Variants in ZNF287 observed in about 807,000 individuals in gnomAD.
ZNF287 encodes the protein zinc finger protein 287.
ZNF287 carries 31 observed loss-of-function variants against 73.7 expected under a neutral mutation model. The ratio of observed to expected loss-of-function variants is 0.42; its 90% CI spans 0.32 to 0.57. The LOEUF (loss-of-function observed/expected upper bound fraction) is 0.57. Among genes scored for constraint, ZNF287 ranks in the 20% least tolerant of loss-of-function variants. ZNF287 has a pLI of 0.13. For missense variants in ZNF287, 641 were observed against 909.3 expected (o/e 0.70, Z 3.79); for synonymous variants, 301 against 307.2 (o/e 0.98, Z 0.21).
At chr17:16,568,772 G>C (rs1907900954) in intron 1 of ZNF287, 180 bp downstream of exon 1, 1 of 152,310 alleles carries the variant, frequency 6.6e-6, no homozygotes, top group South Asian at 2.1e-4. Context: ...GCAGGGTCGA[G>C]GTCGAGGGCA....
In ZNF287 at chr17:16,549,085, T is replaced by G. The variant is rs1311840949; in HGVS notation, c.*2771A>C. 6.6e-6 allele frequency among the ~76,000 whole-genome samples: 1 copy of G among 152,210 alleles called. No homozygotes were observed. The highest frequency in any genetic ancestry group is 1.5e-5 in the Non-Finnish European group (1 of 68,032). On this transcript the variant is annotated 3_prime_UTR_variant, in exon 6 of 6. Transcript: ENST00000395825. ...TTTGGTTAAAAAAAATACGGCAGAA[T>G]GTTAGTTTTTAAATTTAGGTGGGTA...
At position 16,567,436 on chromosome 17, in the gene ZNF287, G is replaced by C; in HGVS notation, c.296C>G (p.Thr99Ser). 1.9e-6 allele frequency: 3 copies of C among 1,614,184 alleles called. No homozygotes were observed. The highest frequency in any genetic ancestry group is 2.5e-6 in the Non-Finnish European group (3 of 1,180,038). Residue 99 changes from threonine (T) to serine (S), a missense_variant, in exon 2 of 6, where the codon ACC becomes AGC. Around this residue, in one of 2 missense-constraint regions of ZNF287, gnomAD observed 357 missense variants for 442.4 expected, o/e 0.81. Coordinates refer to ENST00000395825, the MANE Select transcript of ZNF287 (RefSeq NM_020653.4). ...LELLVLEQFL[T>S]ILPGEVRTWV... Reference sequence around the variant, plus strand: ...AGTCCTAACCTCACCAGGCAGGATGGTCAGGAATTGCTCCAGCACCAGCAG... The same window carrying C: ...AGTCCTAACCTCACCAGGCAGGATGCTCAGGAATTGCTCCAGCACCAGCAG...
At chr17:16,564,265 A>G (rs1597473312) in intron 3 of ZNF287, among the ~76,000 whole-genome samples, 1 of 152,178 alleles carries the variant, frequency 6.6e-6, no homozygotes, top group Admixed American at 6.5e-5. Context: ...CGATGGTACA[A>G]TCATTGTTCA....
rs2142444626 is a variant in ZNF287 at position 16,548,994 on chromosome 17, T to G, written c.*2862A>C. Among the ~76,000 whole-genome samples, 1 of 152,296 alleles carries G rather than the reference T, an allele frequency of 6.6e-6. No individual in the cohort carries two copies. The highest frequency in any genetic ancestry group is 2.1e-4 in the South Asian group (1 of 4,822). Reference sequence around the variant, plus strand: ...GTGGTTATGTAAAAGACCATCCTTATTTTTGTAAGATGCATGCTGAAGTAT... The same window carrying G: ...GTGGTTATGTAAAAGACCATCCTTAGTTTTGTAAGATGCATGCTGAAGTAT... On this transcript the variant is annotated 3_prime_UTR_variant, in exon 6 of 6. Transcript: ENST00000395825.
chr17:16,555,130 CATT>C (rs1906957389), intron 5 of ZNF287, among the ~76,000 whole-genome samples: 2 of 152,056 alleles, frequency 1.3e-5, no homozygotes, highest in East Asian at 1.9e-4. Context: ...TCGACTTCAT[CATT>C]GTGTGAGCAT....
At chr17:16,554,596 T>C (rs1487313910) in intron 5 of ZNF287, among the ~76,000 whole-genome samples, 1 of 152,190 alleles carries the variant, frequency 6.6e-6, no homozygotes, top group Non-Finnish European at 1.5e-5. Flanking sequence ...AGCTCATATT[T>C]CTCTCTACAA....
rs145374375 is a variant in ZNF287 at position 16,548,425 on chromosome 17, C to G, written c.*3431G>C. On this transcript the variant is annotated 3_prime_UTR_variant, in exon 6 of 6. Coordinates refer to ENST00000395825, the MANE Select transcript of ZNF287 (RefSeq NM_020653.4). The stretch of plus-strand genomic sequence containing the variant: ...TAATTTATGGAAACTACAGGGGGTA[C>G]CGGAACAACCCACATGTAAATAATC... Among the ~76,000 whole-genome samples, 3 of 152,228 alleles carry G rather than the reference C, an allele frequency of 2.0e-5. No homozygotes were observed. In the East Asian group the frequency reaches 5.8e-4, roughly 29 times the overall value.
At position 16,553,154 on chromosome 17, in the gene ZNF287, G is replaced by T; in HGVS notation, c.988C>A (p.Gln330Lys). Reference protein sequence around the residue: ...NFEKHSNLIVQFDTQLDNKTS... With the variant: ...NFEKHSNLIVKFDTQLDNKTS... The stretch of plus-strand genomic sequence containing the variant: ...TTATTATCTAATTGGGTATCAAACT[G>T]TACAATTAGGTTTGAATGCTTTTCA... Residue 330 changes from glutamine to lysine, a missense_variant, in exon 6 of 6, where the codon CAG (glutamine) becomes AAG (lysine). Gln to Lys is a moderately conservative substitution (Grantham distance 53). Around this residue, in one of 2 missense-constraint regions of ZNF287, gnomAD observed 357 missense variants for 442.4 expected, o/e 0.81. Transcript: ENST00000395825. The T allele has an allele frequency of 6.2e-7, 1 of 1,606,544 alleles. No homozygotes were observed. Among genetic ancestry groups the T allele is most frequent in the Non-Finnish European group, 8.5e-7 (1 of 1,173,222 alleles).
chr17:16,562,956 T>C (rs1030022798), intron 5 of ZNF287, among the ~76,000 whole-genome samples, 190 bp downstream of exon 5: 29 of 152,336 alleles, frequency 1.9e-4, no homozygotes, highest in African/African-American at 7.0e-4. Context: ...AAAAGTGTGT[T>C]AACAGTGATG....
In ZNF287 at chr17:16,552,821, T is replaced by C. The variant is rs1906770867; in HGVS notation, c.1321A>G (p.Ile441Val). 1.9e-6 allele frequency: 3 copies of C among 1,613,830 alleles called. No individual in the cohort carries two copies. The Admixed American group carries it at 5.0e-5, about 27-fold the overall frequency. Reference sequence around the variant, plus strand: ...TCTCCAGTATGAATTCTCTGATGTATAGTAAGGTGTGCACGCTGGCTGAAG... The same window carrying C: ...TCTCCAGTATGAATTCTCTGATGTACAGTAAGGTGTGCACGCTGGCTGAAG... ...KAFSQRAHLT[I>V]HQRIHTGEKP... is the part of the protein sequence containing the mutation. Residue 441 changes from isoleucine (I) to valine (V), a missense_variant, in exon 6 of 6, where the codon ATA becomes GTA. Around this residue, in one of 2 missense-constraint regions of ZNF287, gnomAD observed 284 missense variants for 466.8 expected, o/e 0.61. Transcript: ENST00000395825. The surrounding 1 kb of genome is among the most constrained non-coding windows in gnomAD (Gnocchi z 6.5).
At position 16,553,311 on chromosome 17, in the gene ZNF287, CTCTAG is replaced by C; in HGVS notation, c.826_830del (p.Leu276GlufsTer13). ...TCCAGAAGCCACCTTTTCCTCGCCT[CTCTAG>C]TCTATCATCGTAGTCATATGAGTCT... On this transcript the variant is annotated frameshift_variant, in exon 6 of 6. Coordinates refer to ENST00000395825, the MANE Select transcript of ZNF287 (RefSeq NM_020653.4). LOFTEE classifies it high-confidence loss of function. 6.2e-7 allele frequency: 1 copy of C among 1,613,960 alleles called. No individual in the cohort carries two copies. Among genetic ancestry groups the C allele is most frequent in the Non-Finnish European group, 8.5e-7 (1 of 1,179,904 alleles).
intron 2 of ZNF287, 63 bp from the exon 3 acceptor site, chr17:16,566,685 C>A: frequency 8.5e-7 from 1 of 1,171,860 alleles, no homozygotes; most frequent in East Asian, 2.5e-5. Flanking sequence ...GGAAACCCCT[C>A]ACCAAATAGA....
chr17:16,568,533 A>T (rs1191536678), intron 1 of ZNF287, among the ~76,000 whole-genome samples: 1 of 152,110 alleles, frequency 6.6e-6, no homozygotes, highest in Non-Finnish European at 1.5e-5. Flanking sequence ...TTCTTTAGGG[A>T]TATATTCGAA....
intron 5 of ZNF287, among the ~76,000 whole-genome samples, chr17:16,561,534 A>G (rs762281108): frequency 2.0e-5 from 3 of 152,202 alleles, no homozygotes; most frequent in Non-Finnish European, 2.9e-5. Flanking sequence ...AGCATCACCA[A>G]TGATGAGATG....
rs1323450077 is a variant in ZNF287 at position 16,567,450 on chromosome 17, C to T, written c.282G>A (p.Leu94=). Residue 94 remains leucine, a synonymous_variant, in exon 2 of 6, where the codon CTG becomes CTA. Transcript: ENST00000395825. Reference sequence around the variant, plus strand: ...CAGGCAGGATGGTCAGGAATTGCTCCAGCACCAGCAGCTCCAAAATTTGTT... The same window carrying T: ...CAGGCAGGATGGTCAGGAATTGCTCTAGCACCAGCAGCTCCAAAATTTGTT... ...SKEQILELLV[L]EQFLTILPGE... 6.2e-7 allele frequency: 1 copy of T among 1,614,088 alleles called. No individual in the cohort carries two copies. The highest frequency in any genetic ancestry group is 8.5e-7 in the Non-Finnish European group (1 of 1,180,042).
In ZNF287 at chr17:16,553,409, G is replaced by T; in HGVS notation, c.733C>A (p.Gln245Lys). ...ATATCCTCCACTGGAGTACATGCTTGGGCTTTAGTTTCCCATTCTGAAATA... is the reference window on the plus strand; with the variant it reads ...ATATCCTCCACTGGAGTACATGCTTTGGCTTTAGTTTCCCATTCTGAAATA... ...GPSPEWETKA[Q>K]ACTPVEDMSK... Residue 245 changes from glutamine (Q) to lysine (K), a missense_variant, in exon 6 of 6, where the codon CAA becomes AAA. Physicochemically the swap from Gln to Lys is moderately conservative, Grantham distance 53 (BLOSUM62 1). This residue lies in a region of ZNF287 where 357 missense variants were observed against 442.4 expected (regional missense o/e 0.81). Coordinates refer to ENST00000395825, the MANE Select transcript of ZNF287 (RefSeq NM_020653.4). The T allele has an allele frequency of 4.7e-6, 7 of 1,502,212 alleles. No individual in the cohort carries two copies. Among genetic ancestry groups the T allele is most frequent in the Non-Finnish European group, 5.3e-6 (6 of 1,127,224 alleles). 93.1% of individuals were successfully genotyped at this position (1,502,212 alleles called of 1,614,324 possible). A position where few individuals can be genotyped will look rare whatever the true frequency, so the allele number is the denominator to read the frequency against.
At chr17:16,563,589 G>A (rs112053086) in intron 4 of ZNF287, 110 bp downstream of exon 4, 1 of 1,268,486 alleles carries the variant, frequency 7.9e-7, no homozygotes, top group Non-Finnish European at 1.1e-6. Flanking sequence ...GTGCTTGAAT[G>A]AGATAAGAAC....
chr17:16,560,637 C>T (rs575007964), intron 5 of ZNF287, among the ~76,000 whole-genome samples: 79 of 152,044 alleles, frequency 5.2e-4, no homozygotes, highest in African/African-American at 1.8e-3. Context: ...CGCGAGCCAC[C>T]GTACCCGGCT....
intron 5 of ZNF287, chr17:16,559,083 TA>T (rs987237794): frequency 1.3e-5 from 2 of 152,182 alleles, no homozygotes; most frequent in East Asian, 3.9e-4. Context: ...CAAAAGAAGA[TA>T]ATATATTAAT....
Sources: gnomAD v4.1 joint callset for allele counts (sites outside exome capture counted in the v4.1 genomes callset) on GRCh38, gnomAD v4.1.1 for gene constraint, gnomAD v4.1.1 regional missense constraint, Gnocchi (gnomAD v3.1) non-coding constraint, MANE v1.5 for transcripts, NCBI Gene and HGNC (gene_info 2026-07-23, HGNC 2026-07-21) for gene names.